Variants in C1orf167 observed in about 807,000 individuals in gnomAD.
The protein encoded by C1orf167 is uncharacterized protein C1orf167.
A neutral mutation model predicts 176.5 loss-of-function variants in C1orf167; 153 were observed. That is an observed-to-expected ratio of 0.87 (90% CI 0.76 to 0.99). The LOEUF (loss-of-function observed/expected upper bound fraction) is 0.99, where lower values mean the gene tolerates loss of function less well. Ranked by LOEUF, C1orf167 falls within the 50% of genes least tolerant of loss-of-function variation. C1orf167 has a pLI of 0.00. For synonymous variants in C1orf167, 594 were observed against 752.7 expected, an observed-to-expected ratio of 0.79 and a Z score of 3.45; for missense variants, 1,490 against 1,817.7, an observed-to-expected ratio of 0.82 and a Z score of 3.28.
In C1orf167 at chr1:11,766,962, A is replaced by C. The variant is rs1642827756; in HGVS notation, c.1176A>C (p.Thr392=). The change falls in exon 3 of 21, where the codon ACA becomes ACC. Residue 392 remains threonine, a synonymous_variant. Transcript: ENST00000688073. The surrounding 1 kb of genome is among the most constrained non-coding windows in gnomAD (Gnocchi z 4.5). ...TDPCSSAFSN[T]AWGVSPKQKG... is the part of the protein sequence containing the mutation. Reference sequence around the variant, plus strand: ...CCTGTTCCTCAGCCTTCTCCAACACAGCCTGGGGAGTCTCACCCAAGCAGA... The same window carrying C: ...CCTGTTCCTCAGCCTTCTCCAACACCGCCTGGGGAGTCTCACCCAAGCAGA... 1.7e-6 allele frequency: 2 copies of C among 1,206,804 alleles called. No homozygotes were observed. The highest frequency in any genetic ancestry group is 6.3e-5 in the Admixed American group (2 of 31,682). 74.8% of individuals were successfully genotyped at this position (1,206,804 alleles called of 1,614,324 possible). A position where few individuals can be genotyped will look rare whatever the true frequency, so the allele number is the denominator to read the frequency against.
rs1642906093 is a variant in C1orf167, at chr1:11,768,426, T to G, written c.1542+151T>G. ...GGGTGTAGTTGTGAGTCCACACACC[T>G]GAATCAGCTCTGCCTGAGTTCAAAT... On this transcript the variant is annotated intron_variant, in intron 5 of 20. Transcript: ENST00000688073. The surrounding 1 kb of genome is among the most constrained non-coding windows in gnomAD (Gnocchi z 4.5). The G allele has an allele frequency of 1.6e-6, 1 of 644,522 alleles. No homozygotes were observed. The highest frequency in any genetic ancestry group is 2.3e-6 in the Non-Finnish European group (1 of 443,870). The allele number at this position is 644,522 out of a possible 1,614,324, so 39.9% of individuals were successfully genotyped here.
chr1:11,780,111 A>G (rs1456088352), intron 13 of C1orf167, 101 bp downstream of exon 13: 2 of 916,850 alleles, frequency 2.2e-6, no homozygotes, highest in Admixed American at 3.7e-5. Context: ...CTGTAACCGC[A>G]TGGGAGAACT....
intron 15 of C1orf167, 78 bp downstream of exon 15, chr1:11,784,671 G>A: frequency 8.5e-7 from 1 of 1,183,394 alleles, no homozygotes; most frequent in Non-Finnish European, 1.1e-6. Flanking sequence ...CAGGGGTAGA[G>A]CGTAATTCAT....
chr1:11,789,046 GCC>G (rs910942818), intron 20 of C1orf167: 2 of 409,220 alleles, frequency 4.9e-6, no homozygotes, highest in Non-Finnish European at 9.1e-6. Flanking sequence ...GGTCCTGAGC[GCC>G]CCCTCCCTCA....
At chr1:11,779,736 G>A (rs1379530989) in intron 12 of C1orf167, 66 bp from the exon 13 acceptor site, 2 of 1,152,668 alleles carry the variant, frequency 1.7e-6, no homozygotes, top group African/African-American at 1.6e-5. Context: ...AAAGGAGGGT[G>A]GGGCAGGGCT....
chr1:11,772,792 G>A (rs952266160), intron 8 of C1orf167, among the ~76,000 whole-genome samples: 1 of 152,120 alleles, frequency 6.6e-6, no homozygotes, highest in Non-Finnish European at 1.5e-5. Flanking sequence ...CAGTCCCAAG[G>A]GTGTATGTGA....
intron 8 of C1orf167, among the ~76,000 whole-genome samples, chr1:11,773,905 T>C (rs1216700014): frequency 2.4e-5 from 2 of 82,602 alleles, no homozygotes; most frequent in Non-Finnish European, 5.7e-5. Context: ...CTTTTTATTT[T>C]TAATTAAAAA....
rs1643743940 is a variant in C1orf167, at chr1:11,784,418, GCCTTCCCA to G, written c.3251_3258del (p.Ala1084GlyfsTer11). 1 of 1,303,748 alleles carries G rather than the reference GCCTTCCCA, an allele frequency of 7.7e-7. No individual in the cohort carries two copies. Among genetic ancestry groups the G allele is most frequent in the Non-Finnish European group, 1.0e-6 (1 of 988,880 alleles). 80.8% of individuals were successfully genotyped at this position (1,303,748 alleles called of 1,614,324 possible). A position where few individuals can be genotyped will look rare whatever the true frequency, so the allele number is the denominator to read the frequency against. The stretch of plus-strand genomic sequence containing the variant: ...GCAGAAGAAGGCCCGGGCCCCACAG[GCCTTCCCA>G]GCATGGCCAGTGGCCCCGGGCATGC... On this transcript the variant is annotated frameshift_variant, in exon 15 of 21. Transcript: ENST00000688073. LOFTEE classifies it high-confidence loss of function.
intron 8 of C1orf167, among the ~76,000 whole-genome samples, chr1:11,774,658 G>A (rs772053409): frequency 1.3e-5 from 2 of 152,160 alleles, no homozygotes; most frequent in African/African-American, 4.8e-5. Context: ...GTTAGTACAG[G>A]GTAGGGGGGC....
At chr1:11,763,776 G>A (rs941338774) in intron 1 of C1orf167, among the ~76,000 whole-genome samples, 6 of 152,218 alleles carry the variant, frequency 3.9e-5, no homozygotes, top group Non-Finnish European at 5.9e-5. Context: ...TGACCAGTTG[G>A]GAGGTGGCAG....
intron 15 of C1orf167, 34 bp from the exon 16 acceptor site, chr1:11,785,114 T>C (rs1231813675): frequency 8.1e-7 from 1 of 1,241,450 alleles, no homozygotes; most frequent in Admixed American, 2.5e-5. Context: ...CTGGCCTTTA[T>C]GGCCCTGGCT....
chr1:11,771,047 GTGTA>G (rs1363169834), intron 6 of C1orf167, among the ~76,000 whole-genome samples: 15 of 33,588 alleles, frequency 4.5e-4, no homozygotes, highest in East Asian at 1.7e-3. Flanking sequence ...GTGTGTGTGT[GTGTA>G]TATATATATA....
In C1orf167 at chr1:11,771,043, G is replaced by GTATA. The variant is rs1374627501; in HGVS notation, c.1698-480_1698-479insATAT. Among the ~76,000 whole-genome samples the GTATA allele has an allele frequency of 2.5e-3, 171 of 69,754 alleles. 4 individuals are homozygous for GTATA. Among genetic ancestry groups the GTATA allele is most frequent in the African/African-American group, 7.7e-3 (143 of 18,516 alleles). 45.8% of individuals were successfully genotyped at this position (69,754 alleles called of 152,430 possible). The stretch of plus-strand genomic sequence containing the variant: ...AGCGTGTGTGTGTATGTGTGTGTGT[G>GTATA]TGTGTGTATATATATATATATATAT... On this transcript the variant is annotated intron_variant, in intron 6 of 20. Transcript: ENST00000688073.
At chr1:11,787,283 G>C in intron 16 of C1orf167, 105 bp from the exon 17 acceptor site, 1 of 455,554 alleles carries the variant, frequency 2.2e-6, no homozygotes. Context: ...GGGTGGAAGA[G>C]GCCGGGATGT....
In C1orf167 at chr1:11,789,463, A is replaced by G. The variant is rs1249029919; in HGVS notation, c.*17A>G. ...CAGCTGTGACTTGTTCTCATAGAAT[A>G]AAAAACAGAACTGAACTTAGCCTTC... On this transcript the variant is annotated 3_prime_UTR_variant, in exon 21 of 21. Transcript: ENST00000688073. 3 of 1,302,256 alleles carry G rather than the reference A, an allele frequency of 2.3e-6. No individual in the cohort carries two copies. In the Admixed American group the frequency reaches 7.0e-5, roughly 30 times the overall value. The allele number at this position is 1,302,256 out of a possible 1,614,324, so 80.7% of individuals were successfully genotyped here.
chr1:11,779,665 C>A (rs1643498137), intron 12 of C1orf167, 137 bp from the exon 13 acceptor site: 4 of 605,874 alleles, frequency 6.6e-6, no homozygotes, highest in Non-Finnish European at 1.0e-5. Flanking sequence ...CAGCAACCCA[C>A]CCTCCCATAA....
chr1:11,774,899 T>C (rs189736369), intron 8 of C1orf167, among the ~76,000 whole-genome samples: 8 of 152,314 alleles, frequency 5.3e-5, no homozygotes, highest in African/African-American at 1.9e-4. Context: ...CAGAGGCTGC[T>C]GAGGCCACCA....
intron 12 of C1orf167, 154 bp from the exon 13 acceptor site, chr1:11,779,648 C>T: frequency 2.1e-6 from 1 of 487,696 alleles, no homozygotes; most frequent in Non-Finnish European, 3.4e-6. Flanking sequence ...TTGGCCCCTC[C>T]AGTCCCCAGC....
chr1:11,782,621 A>G (rs182830398), intron 14 of C1orf167, among the ~76,000 whole-genome samples: 14 of 152,270 alleles, frequency 9.2e-5, no homozygotes, highest in Admixed American at 2.0e-4. Context: ...AGAGGATATG[A>G]TTAAGATGGG....
Sources: allele counts gnomAD v4.1 joint callset (sites outside exome capture counted in the v4.1 genomes callset), GRCh38; gene constraint gnomAD v4.1.1; non-coding constraint Gnocchi (gnomAD v3.1); transcripts MANE v1.5; gene names NCBI Gene and HGNC (gene_info 2026-07-23, HGNC 2026-07-21).